The following CALN1 variants were observed in gnomAD, a reference collection of about 807,000 sequenced individuals.
CALN1 encodes the protein calcium-binding protein 8.
In CALN1, 17 loss-of-function variants were observed where a neutral mutation model predicts 30.6. That is an observed-to-expected ratio of 0.56 (90% CI 0.38 to 0.83). The LOEUF is 0.83. CALN1 is among the 40% of genes least tolerant of loss of function. The pLI, the probability that CALN1 is intolerant of heterozygous loss-of-function variation, is 0.00. For synonymous variants in CALN1, 156 were observed against 131.4 expected, an observed-to-expected ratio of 1.19 and a Z score of -1.28; for missense variants, 291 against 354.9, an observed-to-expected ratio of 0.82 and a Z score of 1.45.
chr7:72,055,052 T>C (rs1803163906), intron 4 of CALN1, among the ~76,000 whole-genome samples: 1 of 152,204 alleles, frequency 6.6e-6, no homozygotes, highest in African/African-American at 2.4e-5. Flanking sequence ...AGAGAAATGC[T>C]GTTCATGATC....
intron 4 of CALN1, among the ~76,000 whole-genome samples, chr7:72,073,229 G>A (rs1804518771): frequency 1.3e-5 from 2 of 152,138 alleles, no homozygotes. Flanking sequence ...AGTGTCTATG[G>A]TTGACAGGAA....
chr7:71,842,209 G>A (rs892173129), intron 5 of CALN1, among the ~76,000 whole-genome samples: 2 of 152,252 alleles, frequency 1.3e-5, no homozygotes, highest in South Asian at 4.1e-4. Flanking sequence ...TGACAAGCAG[G>A]ATTCACCCAA....
the CALN1 span, among the ~76,000 whole-genome samples, chr7:72,491,401 T>C: frequency 6.6e-6 from 1 of 152,138 alleles, no homozygotes; most frequent in Non-Finnish European, 1.5e-5. Flanking sequence ...AGATCCTATT[T>C]CTGCAAAAAG....
intron 3 of CALN1, among the ~76,000 whole-genome samples, chr7:72,162,041 T>A (rs974292743): frequency 1.1e-4 from 17 of 151,308 alleles, no homozygotes; most frequent in Non-Finnish European, 2.1e-4. Context: ...TTGGTATATG[T>A]CAGTTCCTTC....
intron 4 of CALN1, among the ~76,000 whole-genome samples, chr7:72,099,500 C>A (rs1806492467): frequency 6.6e-6 from 1 of 151,230 alleles, no homozygotes; most frequent in African/African-American, 2.4e-5. Flanking sequence ...AAAGGCCCCA[C>A]TAAGGACAAT....
At chr7:72,327,861 T>C (rs1028509820) in intron 2 of CALN1, among the ~76,000 whole-genome samples, 3 of 152,178 alleles carry the variant, frequency 2.0e-5, no homozygotes, top group African/African-American at 4.8e-5. Context: ...TAATAATTTG[T>C]TTAAAAGGGG....
chr7:72,054,690 T>G (rs1803134918), intron 4 of CALN1, among the ~76,000 whole-genome samples: 1 of 151,660 alleles, frequency 6.6e-6, no homozygotes, highest in South Asian at 2.1e-4. Context: ...TGTTCTTACT[T>G]AGAAGTGGGA....
At chr7:71,895,294 T>A (rs1793475711) in intron 5 of CALN1, among the ~76,000 whole-genome samples, 1 of 151,396 alleles carries the variant, frequency 6.6e-6, no homozygotes, top group Non-Finnish European at 1.5e-5. Context: ...TTTAAGTGAT[T>A]CTCTTGACAA....
At chr7:72,410,905 C>T (rs1033115651) in intron 1 of CALN1, among the ~76,000 whole-genome samples, 5 of 151,996 alleles carry the variant, frequency 3.3e-5, no homozygotes, top group African/African-American at 4.8e-5. Context: ...GTATTGTAGG[C>T]ATTAACCAAC....
intron 1 of CALN1, among the ~76,000 whole-genome samples, chr7:72,406,678 G>A (rs540441533): frequency 6.1e-5 from 9 of 148,264 alleles, no homozygotes; most frequent in African/African-American, 1.5e-4. Flanking sequence ...GTGCAGTAGC[G>A]TGATCCCTGC....
chr7:72,306,713 C>G (rs1401313783), intron 2 of CALN1, among the ~76,000 whole-genome samples: 1 of 151,886 alleles, frequency 6.6e-6, no homozygotes, highest in Non-Finnish European at 1.5e-5. Flanking sequence ...TTTGAGTTAT[C>G]CCCTCTTTCT....
chr7:72,478,323 A>G, the CALN1 span, among the ~76,000 whole-genome samples: 5 of 147,612 alleles, frequency 3.4e-5, no homozygotes, highest in African/African-American at 9.8e-5. Context: ...AAATATATTT[A>G]TATTATATAT....
chr7:72,408,497 G>A (rs1327478410), intron 1 of CALN1, among the ~76,000 whole-genome samples: 1 of 151,856 alleles, frequency 6.6e-6, no homozygotes, highest in Non-Finnish European at 1.5e-5. Context: ...TAGACGTGAA[G>A]GTCAGAGAGC....
intron 3 of CALN1, among the ~76,000 whole-genome samples, chr7:72,228,954 G>C (rs921540114): frequency 6.7e-6 from 1 of 149,544 alleles, no homozygotes; most frequent in African/African-American, 2.5e-5. Context: ...AGAGATGTTG[G>C]TGGTGGGGGG....
intron 1 of CALN1, among the ~76,000 whole-genome samples, chr7:72,445,438 A>G (rs953387215): frequency 1.3e-5 from 2 of 152,130 alleles, no homozygotes; most frequent in East Asian, 1.9e-4. Flanking sequence ...ACCTTTAAAA[A>G]TGACCTCAAA....
At chr7:72,492,380 G>T in the CALN1 span, among the ~76,000 whole-genome samples, 1 of 152,204 alleles carries the variant, frequency 6.6e-6, no homozygotes, top group Non-Finnish European at 1.5e-5. Context: ...CTAACTGCCA[G>T]CCAAAGATGC....
chr7:72,196,254 G>C (rs1264214570), intron 3 of CALN1, among the ~76,000 whole-genome samples: 1 of 152,048 alleles, frequency 6.6e-6, no homozygotes, highest in Non-Finnish European at 1.5e-5. Flanking sequence ...GGTAGCTGGG[G>C]CTACAGGCGC....
rs1007459477 is a variant in CALN1, at chr7:71,784,997, A to G, written c.*2778T>C. On this transcript the variant is annotated 3_prime_UTR_variant, in exon 7 of 7. Coordinates refer to ENST00000395275, the MANE Select transcript of CALN1 (RefSeq NM_031468.4). Reference sequence around the variant, plus strand: ...TACCCAAGACAAACTGTCCAAGCAAAGCAGCCAGGGTGCAAGTCACCGGGA... The same window carrying G: ...TACCCAAGACAAACTGTCCAAGCAAGGCAGCCAGGGTGCAAGTCACCGGGA... 5 of 396,760 alleles carry G rather than the reference A, an allele frequency of 1.3e-5. No individual in the cohort carries two copies. Among genetic ancestry groups the G allele is most frequent in the Non-Finnish European group, 2.2e-5 (5 of 225,384 alleles). 24.6% of individuals were successfully genotyped at this position (396,760 alleles called of 1,614,324 possible).
chr7:72,304,604 T>A (rs1799523205), intron 2 of CALN1, among the ~76,000 whole-genome samples: 1 of 152,204 alleles, frequency 6.6e-6, no homozygotes, highest in South Asian at 2.1e-4. Flanking sequence ...GGGGTATAGC[T>A]GCCAGCGTCT....
Sources: allele counts gnomAD v4.1 joint callset (sites outside exome capture counted in the v4.1 genomes callset), GRCh38; gene constraint gnomAD v4.1.1; transcripts MANE v1.5; gene names NCBI Gene and HGNC (gene_info 2026-07-23, HGNC 2026-07-21).